EHMT1: variants seen among roughly 807,000 people sequenced by gnomAD.
The protein encoded by EHMT1 is euchromatic histone lysine methyltransferase 1.
A neutral mutation model predicts 147.2 loss-of-function variants in EHMT1; 15 were observed. That is an observed-to-expected ratio of 0.10 (90% CI 0.07 to 0.16). The LOEUF (loss-of-function observed/expected upper bound fraction) is 0.16. EHMT1 is among the 10% of genes least tolerant of loss of function. EHMT1 has a pLI of 1.00. For synonymous variants in EHMT1, 795 were observed against 709.6 expected (o/e 1.12, Z -1.91); for missense variants, 1,587 against 1,772.4 (o/e 0.90, Z 1.88).
chr9:137,787,390 A>AG lies in EHMT1; in HGVS notation c.2383-3454dup, dbSNP rs1433347288. On this transcript the variant is annotated intron_variant, in intron 15 of 26. Coordinates refer to ENST00000460843, the MANE Select transcript of EHMT1 (RefSeq NM_024757.5). This position sits in a 1 kb window ranked among gnomAD's most constrained non-coding sequence, Gnocchi z 4.2. Reference sequence around the variant, plus strand: ...GATGGATGGGTAGTGGGCTGAGAAGAGGGGACTAGGAAGGGCTATTCCAGG... The same window carrying AG: ...GATGGATGGGTAGTGGGCTGAGAAGAGGGGGACTAGGAAGGGCTATTCCAGG... Among the ~76,000 whole-genome samples the AG allele has an allele frequency of 6.6e-6, 1 of 152,066 alleles. No homozygotes were observed.
intron 1 of EHMT1, among the ~76,000 whole-genome samples, chr9:137,659,391 T>G (rs1399705944): frequency 6.6e-6 from 1 of 151,200 alleles, no homozygotes; most frequent in African/African-American, 2.4e-5. Context: ...CCTTTTTGTA[T>G]TTCTAAAATT....
At chr9:137,730,695 T>G (rs1947031964) in intron 4 of EHMT1, among the ~76,000 whole-genome samples, 1 of 152,248 alleles carries the variant, frequency 6.6e-6, no homozygotes, top group Non-Finnish European at 1.5e-5. Context: ...GTCCCAAGTT[T>G]GTCCAGTGGG....
intron 2 of EHMT1, 113 bp downstream of exon 2, chr9:137,711,143 G>C (rs1474583116): frequency 8.9e-7 from 1 of 1,119,008 alleles, no homozygotes; most frequent in Non-Finnish European, 1.3e-6. Flanking sequence ...GCTTCACCTA[G>C]GTTTATGGTA....
chr9:137,785,783 C>T (rs920784700), intron 15 of EHMT1: 1 of 152,250 alleles, frequency 6.6e-6, no homozygotes, highest in Non-Finnish European at 1.5e-5. Flanking sequence ...TTCGCACCCC[C>T]GTGAGACACA....
In EHMT1 at chr9:137,830,608, G is replaced by GCT. The variant is rs528941425; in HGVS notation, c.3541-3739_3541-3738dup. 1.8e-4 allele frequency among the ~76,000 whole-genome samples: 27 copies of GCT among 152,146 alleles called. No homozygotes were observed. The South Asian group carries it at 5.4e-3, about 30-fold the overall frequency. On this transcript the variant is annotated intron_variant, in intron 25 of 26. Coordinates refer to ENST00000460843, the MANE Select transcript of EHMT1 (RefSeq NM_024757.5). ...ACCGATAACAGTAAGCACCAGTCCA[G>GCT]CTCCCGGATGGCATCTGCGCTTCTT...
intron 14 of EHMT1, among the ~76,000 whole-genome samples, chr9:137,781,010 A>ACG (rs1951425761): frequency 1.4e-5 from 2 of 146,056 alleles, no homozygotes; most frequent in Admixed American, 1.4e-4. Flanking sequence ...TGACGCCGGG[A>ACG]TGTGTGGTGA....
chr9:137,620,118 TTGAAA>T (rs1281255653), intron 1 of EHMT1: 1 of 152,180 alleles, frequency 6.6e-6, no homozygotes, highest in Non-Finnish European at 1.5e-5. Flanking sequence ...TTGGGGGGTG[TTGAAA>T]TAAGTAAACT....
intron 4 of EHMT1, among the ~76,000 whole-genome samples, chr9:137,740,171 GCCCACCCCCAC>G (rs1449517985): frequency 1.3e-5 from 2 of 152,076 alleles, no homozygotes; most frequent in Non-Finnish European, 2.9e-5. Flanking sequence ...GCTGGGCAGT[GCCCACCCCCAC>G]CCCACGCCCA....
At chr9:137,834,578 G>A (rs571069393) in intron 26 of EHMT1, 54 bp downstream of exon 26, 8 of 1,605,916 alleles carry the variant, frequency 5.0e-6, no homozygotes, top group South Asian at 1.1e-5. Context: ...ACGGTTTTAG[G>A]AACGGGGCTC....
chr9:137,749,924 T>G (rs965798343), intron 6 of EHMT1, among the ~76,000 whole-genome samples: 3 of 152,206 alleles, frequency 2.0e-5, no homozygotes. Flanking sequence ...ATTTCGATGG[T>G]CAGTCGTGAA....
Position 137,744,009 on chromosome 9 carries a change from T to C in EHMT1, c.1089T>C (p.Gly363=), listed in dbSNP as rs1129768. 608,039 of 1,613,856 alleles carry C rather than the reference T, an allele frequency of 0.38. 125,574 individuals carry two copies. Among genetic ancestry groups the C allele is most frequent in the African/African-American group, 0.81 (60,448 of 74,982 alleles). ...SEELEEDDGH[G]AEQAAAFPTE... is the part of the protein sequence containing the mutation. ...AGCTCGAGGAGGACGACGGCCATGG[T>C]GCAGAGCAGGCGGCCGCGTTCCCCA... The change falls in exon 6 of 27, where the codon GGT becomes GGC. Residue 363 remains glycine (G), a synonymous_variant. Coordinates refer to ENST00000460843, the MANE Select transcript of EHMT1 (RefSeq NM_024757.5).
At chr9:137,678,212 G>C (rs1301105942) in intron 1 of EHMT1, among the ~76,000 whole-genome samples, 1 of 152,040 alleles carries the variant, frequency 6.6e-6, no homozygotes, top group Admixed American at 6.6e-5. Context: ...GTAAGATTAG[G>C]GGCCATTTTT....
At chr9:137,771,693 C>T (rs1356826828) in intron 10 of EHMT1, among the ~76,000 whole-genome samples, 2 of 138,558 alleles carry the variant, frequency 1.4e-5, no homozygotes, top group Non-Finnish European at 2.9e-5. Context: ...ACCGGGGTGG[C>T]GGGGCGTTTT....
chr9:137,629,112 G>A (rs1440773754), intron 1 of EHMT1, among the ~76,000 whole-genome samples: 1 of 147,522 alleles, frequency 6.8e-6, no homozygotes, highest in Admixed American at 6.7e-5. Flanking sequence ...TTTTTTTTGA[G>A]ATGGAGTTTC....
At chr9:137,716,598 T>A in intron 2 of EHMT1, 28 bp from the exon 3 acceptor site, 1 of 1,535,306 alleles carries the variant, frequency 6.5e-7, no homozygotes. Context: ...TGGCCTGCAG[T>A]CAGTGACACT....
chr9:137,725,115 TGGCATTCATGG>T (rs1294016894), intron 3 of EHMT1, among the ~76,000 whole-genome samples: 1 of 145,646 alleles, frequency 6.9e-6, no homozygotes, highest in Non-Finnish European at 1.5e-5. Context: ...GGCAGGCGTG[TGGCATTCATGG>T]GGCATTCTTG....
intron 17 of EHMT1, among the ~76,000 whole-genome samples, chr9:137,799,465 C>T (rs931953634): frequency 3.3e-5 from 5 of 152,188 alleles, no homozygotes; most frequent in African/African-American, 7.2e-5. Flanking sequence ...TGCTGAACCG[C>T]GGCGCCTCAC....
At chr9:137,720,768 G>A (rs538239775) in intron 3 of EHMT1, among the ~76,000 whole-genome samples, 4 of 152,208 alleles carry the variant, frequency 2.6e-5, no homozygotes, top group East Asian at 3.9e-4. Context: ...CTTGTACGTC[G>A]GCACTCACCC....
At chr9:137,729,811 C>A (rs754754104) in intron 4 of EHMT1, among the ~76,000 whole-genome samples, 1 of 152,112 alleles carries the variant, frequency 6.6e-6, no homozygotes, top group Non-Finnish European at 1.5e-5. Context: ...ATTACTGTCC[C>A]TCAACATAAA....
Sources: allele counts gnomAD v4.1 joint callset (sites outside exome capture counted in the v4.1 genomes callset), GRCh38; gene constraint gnomAD v4.1.1; non-coding constraint Gnocchi (gnomAD v3.1); transcripts MANE v1.5; gene names NCBI Gene and HGNC (gene_info 2026-07-23, HGNC 2026-07-21).